The following TESK2 variants were observed in gnomAD, a reference collection of about 807,000 sequenced individuals.
TESK2 encodes the protein dual specificity testis-specific protein kinase 2.
In TESK2, 39 loss-of-function variants were observed where a neutral mutation model predicts 57.1. That is an observed-to-expected ratio of 0.68 (90% CI 0.53 to 0.89). TESK2 has a LOEUF of 0.89. TESK2 is among the 40% of genes least tolerant of loss of function. The pLI, the probability that TESK2 is intolerant of heterozygous loss-of-function variation, is 0.00. For missense variants in TESK2, 646 were observed against 732.1 expected (o/e 0.88, Z 1.36); for synonymous variants, 249 against 267.9 (o/e 0.93, Z 0.69).
intron 2 of TESK2, among the ~76,000 whole-genome samples, chr1:45,449,221 C>CAAAAAAAAAAAAA (rs568238822): frequency 5.3e-5 from 3 of 56,846 alleles, no homozygotes. Flanking sequence ...GACTCTGTCT[C>CAAAAAAAAAAAAA]AAAAAAAAAA....
chr1:45,490,633 G>A (rs554621778), intron 1 of TESK2, among the ~76,000 whole-genome samples: 1 of 152,146 alleles, frequency 6.6e-6, no homozygotes, highest in Non-Finnish European at 1.5e-5. Context: ...GGGAGCAGAC[G>A]TGGCGGGGAG....
At chr1:45,346,025 G>GC in intron 9 of TESK2, 31 bp from the exon 10 acceptor site, 2 of 1,511,240 alleles carry the variant, frequency 1.3e-6, no homozygotes, top group Non-Finnish European at 1.8e-6. Flanking sequence ...CATGAGCTCT[G>GC]CCCTCCATCT....
intron 3 of TESK2, among the ~76,000 whole-genome samples, chr1:45,414,591 T>A (rs994219882): frequency 2.0e-5 from 3 of 152,042 alleles, no homozygotes; most frequent in African/African-American, 2.4e-5. Context: ...AGAAAGTACA[T>A]CAAGGAGATA....
At chr1:45,468,313 G>A (rs962267881) in intron 1 of TESK2, among the ~76,000 whole-genome samples, 1 of 152,128 alleles carries the variant, frequency 6.6e-6, no homozygotes, top group African/African-American at 2.4e-5. Context: ...ATGGGAGTAA[G>A]AACTGTATTA....
At chr1:45,426,854 A>G (rs1229700814) in intron 2 of TESK2, among the ~76,000 whole-genome samples, 1 of 152,224 alleles carries the variant, frequency 6.6e-6, no homozygotes, top group Non-Finnish European at 1.5e-5. Context: ...AAGGTATTCA[A>G]CATCACTGAT....
In TESK2 at chr1:45,348,092, G is replaced by A. The variant is rs541166743; in HGVS notation, c.541-92C>T. ...ACCCATTCCCCCCTTCCTATCACAGGGCACCTTGTCCTCTGCTCCTTGGTG... is the reference window on the plus strand; with the variant it reads ...ACCCATTCCCCCCTTCCTATCACAGAGCACCTTGTCCTCTGCTCCTTGGTG... On this transcript the variant is annotated intron_variant, in intron 5 of 10. Transcript: ENST00000372086. 1.8e-5 allele frequency: 16 copies of A among 872,290 alleles called. No individual in the cohort carries two copies. The East Asian group carries it at 3.9e-4, about 21-fold the overall frequency. The allele number at this position is 872,290 out of a possible 1,614,324, so 54.0% of individuals were successfully genotyped here.
At chr1:45,355,587 G>T in intron 4 of TESK2, 138 bp from the exon 5 acceptor site, 1 of 895,548 alleles carries the variant, frequency 1.1e-6, no homozygotes, top group Non-Finnish European at 1.7e-6. Context: ...CTGCCTCCAA[G>T]CACTATGGTA....
chr1:45,359,421 A>G (rs1296264190), intron 4 of TESK2, among the ~76,000 whole-genome samples: 7 of 152,020 alleles, frequency 4.6e-5, no homozygotes, highest in Non-Finnish European at 7.4e-5. Flanking sequence ...TTAGCCGGGC[A>G]TGGTGGTGGG....
chr1:45,405,361 T>C (rs1289994834), intron 3 of TESK2, among the ~76,000 whole-genome samples: 1 of 152,152 alleles, frequency 6.6e-6, no homozygotes, highest in Non-Finnish European at 1.5e-5. Context: ...CTAAGTAATC[T>C]GCACATGTGT....
intron 3 of TESK2, among the ~76,000 whole-genome samples, chr1:45,392,717 A>T (rs6670303): frequency 0.32 from 48,832 of 151,322 alleles, 8,733 homozygotes; most frequent in African/African-American, 0.48. Context: ...AAAAAAAAAA[A>T]TTTATTTTTT....
chr1:45,345,521 G>A lies in TESK2; in HGVS notation c.1035C>T (p.Ser345=). The A allele has an allele frequency of 6.2e-7, 1 of 1,614,120 alleles. No homozygotes were observed. Among genetic ancestry groups the A allele is most frequent in the Non-Finnish European group, 8.5e-7 (1 of 1,180,020 alleles). The part of the protein sequence containing the change: ...LEKAPGVKRL[S]SLDDKIPHKS... ...TGTGGGGGATCTTGTCATCCAGTGA[G>A]CTTAGTCGCTTCACCCCAGGTGCTT... is the stretch of plus-strand genomic sequence containing the variant. The change falls in exon 11 of 11, where the codon AGC becomes AGT. Residue 345 remains serine, a synonymous_variant. Coordinates refer to ENST00000372086, the MANE Select transcript of TESK2 (RefSeq NM_007170.3).
At chr1:45,393,360 T>G (rs1046112550) in intron 3 of TESK2, among the ~76,000 whole-genome samples, 1 of 152,058 alleles carries the variant, frequency 6.6e-6, no homozygotes, top group Non-Finnish European at 1.5e-5. Context: ...CTGCCTAACC[T>G]CTCCCAAATC....
intron 1 of TESK2, among the ~76,000 whole-genome samples, chr1:45,467,506 A>T (rs1489788257): frequency 1.3e-5 from 2 of 151,780 alleles, no homozygotes; most frequent in African/African-American, 2.4e-5. Context: ...TAATTTTTGT[A>T]TTTTTAGTAG....
chr1:45,467,908 C>T (rs771129915), intron 1 of TESK2, among the ~76,000 whole-genome samples: 23 of 151,944 alleles, frequency 1.5e-4, no homozygotes, highest in Non-Finnish European at 2.5e-4. Context: ...ATCACTGGCT[C>T]ACGTCTGTAA....
chr1:45,457,495 C>A, intron 2 of TESK2, 69 bp downstream of exon 2: 1 of 1,438,856 alleles, frequency 6.9e-7, no homozygotes, highest in Admixed American at 1.7e-5. Context: ...CCTAATTAAA[C>A]ACAACTATCA....
Position 45,421,822 on chromosome 1 carries a change from C to A in TESK2, c.247G>T (p.Val83Leu), listed in dbSNP as rs1650491915. The change falls in exon 3 of 11, where the codon GTG (valine) becomes TTG (leucine). Residue 83 changes from valine to leucine, a missense_variant. Val to Leu is a conservative substitution (Grantham distance 32). Coordinates refer to ENST00000372086, the MANE Select transcript of TESK2 (RefSeq NM_007170.3). ...AATGTGTTCATCTTAAGAGCCATCA[C>A]CTGACCAGAAGCTCGGTGTCGTACC... The part of the protein sequence containing the change: ...FKVRHRASGQ[V>L]MALKMNTLSS... 8.1e-6 allele frequency: 13 copies of A among 1,614,064 alleles called. No homozygotes were observed. Among genetic ancestry groups the A allele is most frequent in the Non-Finnish European group, 1.0e-5 (12 of 1,179,984 alleles).
intron 4 of TESK2, among the ~76,000 whole-genome samples, chr1:45,373,159 A>G (rs1648272872): frequency 2.6e-5 from 4 of 152,196 alleles, no homozygotes; most frequent in Non-Finnish European, 4.4e-5. Flanking sequence ...ACAAAAAAAG[A>G]TTTGTATTTC....
chr1:45,456,249 T>A (rs1652084591), intron 2 of TESK2, among the ~76,000 whole-genome samples: 1 of 152,014 alleles, frequency 6.6e-6, no homozygotes, highest in Non-Finnish European at 1.5e-5. Flanking sequence ...TTGGGCGCGG[T>A]GGCTCATGCC....
chr1:45,385,710 G>GTGTATA (rs947905047), intron 4 of TESK2, among the ~76,000 whole-genome samples: 51 of 135,294 alleles, frequency 3.8e-4, no homozygotes, highest in Non-Finnish European at 5.4e-4. Context: ...GTGTGTGTGT[G>GTGTATA]TATATATATA....
Sources: allele counts gnomAD v4.1 joint callset (sites outside exome capture counted in the v4.1 genomes callset), GRCh38; gene constraint gnomAD v4.1.1; transcripts MANE v1.5; gene names NCBI Gene and HGNC (gene_info 2026-07-23, HGNC 2026-07-21).